RDH12: variants seen among roughly 807,000 people sequenced by gnomAD.
RDH12 encodes the protein all-trans and 9-cis retinol dehydrogenase.
RDH12 carries 21 observed loss-of-function variants against 34.0 expected under a neutral mutation model. The ratio of observed to expected loss-of-function variants is 0.62; its 90% CI spans 0.44 to 0.89. RDH12 has a LOEUF of 0.89. RDH12 is among the 40% of genes least tolerant of loss of function. RDH12 has a pLI of 0.00. For missense variants in RDH12, 394 were observed against 398.6 expected (o/e 0.99, Z 0.10); for synonymous variants, 198 against 169.9 (o/e 1.17, Z -1.29).
At position 67,734,004 on chromosome 14, in the gene RDH12, A is replaced by C. The variant is rs1594870524; in HGVS notation, c.*156A>C. On this transcript the variant is annotated 3_prime_UTR_variant, in exon 9 of 9. Coordinates refer to ENST00000551171, the MANE Select transcript of RDH12 (RefSeq NM_152443.3). ...TTGACCCTTCTGGGAATGTTTGCAC[A>C]CCTGACACTCTTGTGAGACTGGCTT... The C allele has an allele frequency of 1.6e-6, 1 of 610,916 alleles. No homozygotes were observed. The allele number at this position is 610,916 out of a possible 1,614,324, so 37.8% of individuals were successfully genotyped here. A position where few individuals can be genotyped will look rare whatever the true frequency, so the allele number is the denominator to read the frequency against.
chr14:67,709,922 T>C (rs1284925750), intron 1 of RDH12, among the ~76,000 whole-genome samples: 2 of 152,226 alleles, frequency 1.3e-5, no homozygotes, highest in Non-Finnish European at 2.9e-5. Flanking sequence ...TTCCATTCTA[T>C]TTAGTCACTC....
At chr14:67,723,241 T>C (rs1018378579) in intron 3 of RDH12, among the ~76,000 whole-genome samples, 2 of 152,182 alleles carry the variant, frequency 1.3e-5, no homozygotes, top group Non-Finnish European at 2.9e-5. Context: ...GGAGAATTTT[T>C]AAATTTCTCT....
At chr14:67,709,837 G>A (rs1594859465) in intron 1 of RDH12, among the ~76,000 whole-genome samples, 1 of 152,180 alleles carries the variant, frequency 6.6e-6, no homozygotes, top group Non-Finnish European at 1.5e-5. Context: ...CATAAAGAGT[G>A]TGAAAGGAAA....
intron 8 of RDH12, among the ~76,000 whole-genome samples, chr14:67,733,277 A>C (rs2038309763): frequency 6.6e-6 from 1 of 152,214 alleles, no homozygotes; most frequent in South Asian, 2.1e-4. Flanking sequence ...CTGTCCCCAG[A>C]ATTCAAGAGG....
intron 1 of RDH12, among the ~76,000 whole-genome samples, chr14:67,706,471 G>C (rs1397801569): frequency 6.6e-6 from 1 of 152,166 alleles, no homozygotes; most frequent in Non-Finnish European, 1.5e-5. Context: ...GGAGACACGG[G>C]ACATCAATCA....
chr14:67,715,439 A>C (rs977962317), intron 1 of RDH12, among the ~76,000 whole-genome samples: 3 of 152,206 alleles, frequency 2.0e-5, no homozygotes, highest in Admixed American at 6.5e-5. Flanking sequence ...TTGGATGCCT[A>C]TGACTTCACC....
At chr14:67,712,175 C>T (rs1016400264) in intron 1 of RDH12, among the ~76,000 whole-genome samples, 10 of 152,146 alleles carry the variant, frequency 6.6e-5, no homozygotes, top group African/African-American at 1.9e-4. Flanking sequence ...ACACCTTGAC[C>T]TCCCAAAGTG....
At chr14:67,702,992 T>G (rs1400450468) in intron 1 of RDH12, among the ~76,000 whole-genome samples, 1 of 151,392 alleles carries the variant, frequency 6.6e-6, no homozygotes, top group African/African-American at 2.4e-5. Context: ...TTAAAAAAGT[T>G]TTTTTTTTGT....
At position 67,724,550 on chromosome 14, in the gene RDH12, C is replaced by A. The variant is rs28940314; in HGVS notation, c.146C>A (p.Thr49Lys). The change falls in exon 4 of 9, where the codon ACG (threonine) becomes AAG (lysine). Residue 49 changes from threonine (T) to lysine (K), a missense_variant. Coordinates refer to ENST00000551171, the MANE Select transcript of RDH12 (RefSeq NM_152443.3). Reference protein sequence around the residue: ...GKVVVITGANTGIGKETAREL... With the variant: ...GKVVVITGANKGIGKETAREL... Reference sequence around the variant, plus strand: ...GTAGTGGTGATCACTGGCGCCAACACGGGCATTGGCAAGGAGACGGCCAGA... The same window carrying A: ...GTAGTGGTGATCACTGGCGCCAACAAGGGCATTGGCAAGGAGACGGCCAGA... 1.9e-6 allele frequency: 3 copies of A among 1,613,978 alleles called. No individual in the cohort carries two copies. Among genetic ancestry groups the A allele is most frequent in the Admixed American group, 1.7e-5 (1 of 60,024 alleles).
intron 1 of RDH12, among the ~76,000 whole-genome samples, chr14:67,708,608 C>G (rs2037976098): frequency 6.6e-6 from 1 of 152,088 alleles, no homozygotes; most frequent in East Asian, 1.9e-4. Context: ...ATAATGTACA[C>G]TAAGTCATAC....
chr14:67,716,230 C>A lies in RDH12; in HGVS notation c.-274-4618C>A, dbSNP rs544455798. On this transcript the variant is annotated intron_variant, in intron 1 of 8. Coordinates refer to ENST00000551171, the MANE Select transcript of RDH12 (RefSeq NM_152443.3). The stretch of plus-strand genomic sequence containing the variant: ...AAAAAAGAAAAGAAAAAAGAAATTG[C>A]CTAACTAAGTTATAAGTCAAACCGC... Among the ~76,000 whole-genome samples the A allele has an allele frequency of 4.6e-5, 7 of 151,178 alleles. No homozygotes were observed. In the South Asian group the frequency reaches 1.5e-3, roughly 32 times the overall value.
intron 3 of RDH12, among the ~76,000 whole-genome samples, chr14:67,723,098 A>G (rs1304276760): frequency 6.6e-6 from 1 of 152,182 alleles, no homozygotes; most frequent in Non-Finnish European, 1.5e-5. Context: ...CTGGCTTGTC[A>G]TGCTGTTAAG....
At chr14:67,711,890 T>C (rs1384561382) in intron 1 of RDH12, among the ~76,000 whole-genome samples, 1 of 152,154 alleles carries the variant, frequency 6.6e-6, no homozygotes, top group Non-Finnish European at 1.5e-5. Context: ...TAGGATTGTA[T>C]AAGGAGACAA....
chr14:67,723,989 C>T (rs1361742339), intron 3 of RDH12, among the ~76,000 whole-genome samples: 1 of 152,230 alleles, frequency 6.6e-6, no homozygotes, highest in East Asian at 1.9e-4. Flanking sequence ...CCTGTGTATG[C>T]CATCCCCCAG....
At chr14:67,716,054 G>A (rs961750977) in intron 1 of RDH12, among the ~76,000 whole-genome samples, 1 of 152,058 alleles carries the variant, frequency 6.6e-6, no homozygotes, top group Non-Finnish European at 1.5e-5. Flanking sequence ...AAAATTAGCC[G>A]GGGGTGGTAG....
In RDH12 at chr14:67,710,047, C is replaced by T. The variant is rs540346931; in HGVS notation, c.-275+8112C>T. On this transcript the variant is annotated intron_variant, in intron 1 of 8. Coordinates refer to ENST00000551171, the MANE Select transcript of RDH12 (RefSeq NM_152443.3). Reference sequence around the variant, plus strand: ...TCTATTTGTGACCTGGAAGCTCCCTCCCCACTTAGAGTCTTCCTGCCTTTG... The same window carrying T: ...TCTATTTGTGACCTGGAAGCTCCCTTCCCACTTAGAGTCTTCCTGCCTTTG... 1.4e-4 allele frequency among the ~76,000 whole-genome samples: 22 copies of T among 152,330 alleles called. 1 individual carries two copies. In the South Asian group the frequency reaches 4.1e-3, roughly 29 times the overall value.
intron 3 of RDH12, among the ~76,000 whole-genome samples, 178 bp from the exon 4 acceptor site, chr14:67,724,295 C>G (rs2038159154): frequency 1.3e-5 from 2 of 152,282 alleles, no homozygotes; most frequent in African/African-American, 4.8e-5. Flanking sequence ...AAACAGGCGA[C>G]TACCTTGCCC....
At chr14:67,719,638 T>C (rs1483951815) in intron 1 of RDH12, among the ~76,000 whole-genome samples, 1 of 151,890 alleles carries the variant, frequency 6.6e-6, no homozygotes, top group Non-Finnish European at 1.5e-5. Context: ...CCAGGCCAGC[T>C]AATTTTTAGT....
At chr14:67,729,410 C>G (rs200959375) in intron 8 of RDH12, 30 bp downstream of exon 8, 25 of 1,588,584 alleles carry the variant, frequency 1.6e-5, no homozygotes, top group Non-Finnish European at 2.0e-5. Flanking sequence ...TTCTCTCCAC[C>G]ACCTGTGTGC....
Sources: gnomAD v4.1 joint callset for allele counts (sites outside exome capture counted in the v4.1 genomes callset) on GRCh38, gnomAD v4.1.1 for gene constraint, MANE v1.5 for transcripts, NCBI Gene and HGNC (gene_info 2026-07-23, HGNC 2026-07-21) for gene names.